The following ZFHX3 variants were observed in gnomAD, a reference collection of about 807,000 sequenced individuals.
The protein encoded by ZFHX3 is zinc finger homeobox protein 3.
A neutral mutation model predicts 279.1 loss-of-function variants in ZFHX3; 42 were observed. The observed-to-expected ratio is 0.15, with a 90% CI of 0.12 to 0.19. ZFHX3 has a LOEUF of 0.19. Among genes scored for constraint, ZFHX3 ranks in the 10% least tolerant of loss-of-function variants. The pLI, the probability that ZFHX3 is intolerant of heterozygous loss-of-function variation, is 1.00. For synonymous variants in ZFHX3, 2,293 were observed against 1,957.8 expected (o/e 1.17, Z -4.52); for missense variants, 4,981 against 4,754.0 (o/e 1.05, Z -1.40).
chr16:73,672,386 G>T (rs757680827), intron 2 of ZFHX3, among the ~76,000 whole-genome samples: 2 of 152,048 alleles, frequency 1.3e-5, no homozygotes, highest in Non-Finnish European at 2.9e-5. Flanking sequence ...AACTCCAGGG[G>T]ACCCAATAGG....
intron 2 of ZFHX3, among the ~76,000 whole-genome samples, chr16:73,562,991 A>G (rs2020393622): frequency 6.6e-6 from 1 of 152,176 alleles, no homozygotes; most frequent in Admixed American, 6.5e-5. Flanking sequence ...CGTGTAAACC[A>G]TTCAGTGGCA....
chr16:73,643,646 C>T (rs1273734341), intron 2 of ZFHX3, among the ~76,000 whole-genome samples: 1 of 152,200 alleles, frequency 6.6e-6, no homozygotes, highest in African/African-American at 2.4e-5. Context: ...TGTGTTCCTT[C>T]CGAGCAATTC....
intron 3 of ZFHX3, among the ~76,000 whole-genome samples, chr16:73,356,713 C>T (rs993190539): frequency 6.6e-6 from 1 of 152,068 alleles, no homozygotes; most frequent in Admixed American, 6.5e-5. Flanking sequence ...AGACTAATTA[C>T]CTGAAAGTAT....
intron 3 of ZFHX3, among the ~76,000 whole-genome samples, chr16:73,379,481 T>C (rs6564130): frequency 0.053 from 8,004 of 152,276 alleles, 703 homozygotes; most frequent in African/African-American, 0.18. Context: ...TGTATCTCCA[T>C]AGGCAGGCTA....
chr16:73,386,157 A>T (rs1597311777), intron 3 of ZFHX3, among the ~76,000 whole-genome samples: 1 of 151,008 alleles, frequency 6.6e-6, no homozygotes, highest in Admixed American at 6.6e-5. Context: ...ACCAATGCTC[A>T]CTCTCGCTCT....
chr16:73,515,524 AAGAG>A (rs2019504744), intron 2 of ZFHX3, among the ~76,000 whole-genome samples: 1 of 150,582 alleles, frequency 6.6e-6, no homozygotes, highest in Non-Finnish European at 1.5e-5. Flanking sequence ...GAAAGAAAGA[AAGAG>A]GGAGAGAGAG....
intron 1 of ZFHX3, among the ~76,000 whole-genome samples, chr16:73,709,816 CTA>C (rs924127454): frequency 1.3e-5 from 2 of 152,052 alleles, no homozygotes; most frequent in Admixed American, 6.5e-5. Context: ...AAAATAACAC[CTA>C]TGTTATTAGG....
intron 3 of ZFHX3, among the ~76,000 whole-genome samples, chr16:73,373,048 C>T (rs2016658793): frequency 6.6e-6 from 1 of 152,050 alleles, no homozygotes; most frequent in South Asian, 2.1e-4. Flanking sequence ...CCTGTAGTTG[C>T]CACTGGTCCT....
intron 1 of ZFHX3, among the ~76,000 whole-genome samples, chr16:73,789,794 C>A (rs188832162): frequency 6.6e-6 from 1 of 152,160 alleles, no homozygotes; most frequent in African/African-American, 2.4e-5. Flanking sequence ...ACACTCAAGC[C>A]CCGGGCTACA....
chr16:73,124,636 A>G (rs2144811745), intron 7 of ZFHX3, among the ~76,000 whole-genome samples: 1 of 152,312 alleles, frequency 6.6e-6, no homozygotes, highest in Admixed American at 6.5e-5. Flanking sequence ...GGCCAGGGTC[A>G]CACATCTGTA....
chr16:72,792,274 AAAG>A (rs1247765600), intron 9 of ZFHX3, among the ~76,000 whole-genome samples: 1 of 152,202 alleles, frequency 6.6e-6, no homozygotes, highest in East Asian at 1.9e-4. Flanking sequence ...AAAGGAAAAA[AAAG>A]AGGTGACTGA....
chr16:73,596,626 A>G (rs563971941), intron 2 of ZFHX3, among the ~76,000 whole-genome samples: 2 of 152,136 alleles, frequency 1.3e-5, no homozygotes, highest in South Asian at 4.2e-4. Context: ...CAGCTTTAAT[A>G]TTACTCTTTT....
intron 2 of ZFHX3, among the ~76,000 whole-genome samples, chr16:73,645,009 C>T (rs971319486): frequency 2.0e-5 from 3 of 152,140 alleles, no homozygotes; most frequent in African/African-American, 7.2e-5. Flanking sequence ...GATTCACTGG[C>T]ATGACTGAAC....
intron 5 of ZFHX3, among the ~76,000 whole-genome samples, chr16:73,215,446 C>T (rs1466485399): frequency 2.0e-5 from 3 of 152,220 alleles, no homozygotes; most frequent in African/African-American, 7.2e-5. Context: ...GCAGCTGCTG[C>T]CAAGACTATA....
At position 72,959,967 on chromosome 16, in the gene ZFHX3, C is replaced by T. The variant is rs761842147; in HGVS notation, c.179G>A (p.Arg60His). ...LDSLRAPFNERLAESTASAGP... is the reference protein window; with the variant it reads ...LDSLRAPFNEHLAESTASAGP... ...GGCCGACGCGGTGCTCTCCGCGAGG[C>T]GCTCATTGAAGGGGGCCCTCAGGCT... Residue 60 changes from arginine (R) to histidine (H), a missense_variant, in exon 2 of 10, where the codon CGC becomes CAC. By Grantham distance (29) the Arg-to-His change is conservative (BLOSUM62 0). Transcript: ENST00000268489. 45 of 1,610,172 alleles carry T rather than the reference C, an allele frequency of 2.8e-5. No homozygotes were observed. In the South Asian group the frequency reaches 3.8e-4, roughly 13 times the overall value.
At chr16:73,332,941 C>T (rs138079000) in intron 3 of ZFHX3, among the ~76,000 whole-genome samples, 1 of 152,282 alleles carries the variant, frequency 6.6e-6, no homozygotes, top group East Asian at 1.9e-4. Flanking sequence ...TCCCTCTTTC[C>T]TTTCTTTTTT....
At chr16:73,202,647 C>G (rs1017137881) in intron 5 of ZFHX3, among the ~76,000 whole-genome samples, 11 of 152,312 alleles carry the variant, frequency 7.2e-5, no homozygotes, top group African/African-American at 2.6e-4. Context: ...CCCAGTCTAG[C>G]TTTCCAGGCT....
intron 5 of ZFHX3, among the ~76,000 whole-genome samples, chr16:72,812,599 G>C (rs996097292): frequency 6.6e-6 from 1 of 152,218 alleles, no homozygotes; most frequent in African/African-American, 2.4e-5. Context: ...AATCAAGTTT[G>C]GGTTCAGCAG....
chr16:73,859,547 T>A (rs921013982), intron 1 of ZFHX3, among the ~76,000 whole-genome samples: 2 of 152,230 alleles, frequency 1.3e-5, no homozygotes, highest in African/African-American at 4.8e-5. Context: ...CTAGAAGGAC[T>A]GGAGCAGAGG....
Sources: gnomAD v4.1 joint callset for allele counts (sites outside exome capture counted in the v4.1 genomes callset) on GRCh38, gnomAD v4.1.1 for gene constraint, MANE v1.5 for transcripts, NCBI Gene and HGNC (gene_info 2026-07-23, HGNC 2026-07-21) for gene names.